The following SLC30A3 variants were observed in gnomAD, a reference collection of about 807,000 sequenced individuals.
The protein encoded by SLC30A3 is solute carrier family 30 member 3.
SLC30A3 carries 20 observed loss-of-function variants against 35.6 expected under a neutral mutation model. That is an observed-to-expected ratio of 0.56 (90% CI 0.39 to 0.82). SLC30A3 has a LOEUF of 0.82. Ranked by LOEUF, SLC30A3 falls within the 40% of genes least tolerant of loss-of-function variation. The pLI, the probability that SLC30A3 is intolerant of heterozygous loss-of-function variation, is 0.00. For missense variants in SLC30A3, 401 were observed against 530.6 expected (o/e 0.76, Z 2.40); for synonymous variants, 217 against 224.7 (o/e 0.97, Z 0.31).
upstream of SLC30A3, among the ~76,000 whole-genome samples, chr2:27,267,302 A>G (rs1349086536): frequency 6.6e-6 from 1 of 152,084 alleles, no homozygotes; most frequent in African/African-American, 2.4e-5. Context: ...CTTATAGTCT[A>G]TTCTCAACCA....
At position 27,258,014 on chromosome 2, in the gene SLC30A3, T is replaced by G. The variant is rs1405073529; in HGVS notation, c.469A>C (p.Thr157Pro). Reference protein sequence around the residue: ...LASVVSLWMVTGILLYLAFVR... With the variant: ...LASVVSLWMVPGILLYLAFVR... The stretch of plus-strand genomic sequence containing the variant: ...AAGGCCAGGTACAGGAGGATGCCAG[T>G]GACCATCCAGAGGGAGACCACAGAG... Residue 157 changes from threonine to proline, a missense_variant, in exon 4 of 8, where the codon ACT becomes CCT. Around this residue, in one of 3 missense-constraint regions of SLC30A3, gnomAD observed 296 missense variants for 392.6 expected, o/e 0.75. Transcript: ENST00000233535. The surrounding 1 kb of genome is among the most constrained non-coding windows in gnomAD (Gnocchi z 4.0). The G allele has an allele frequency of 6.2e-7, 1 of 1,614,144 alleles. No individual in the cohort carries two copies.
chr2:27,267,691 T>C (rs1677547930), upstream of SLC30A3, among the ~76,000 whole-genome samples: 2 of 151,924 alleles, frequency 1.3e-5, no homozygotes, highest in Non-Finnish European at 2.9e-5. Context: ...TCCCAGCACT[T>C]TGGGAGGCCG....
Position 27,271,853 on chromosome 2 carries a change from C to T in SLC30A3, c.-159+3324G>A, listed in dbSNP as rs143507889. On this transcript the variant is annotated intron_variant, in intron 1 of 5. Coordinates refer to the SLC30A3 transcript ENST00000424577. The surrounding 1 kb of genome is among the most constrained non-coding windows in gnomAD (Gnocchi z 4.3). ...AGAGCCTCGCAAGACTTACAGATAACGGCTATTTCAAGAGCCATGAACTGT... is the reference window on the plus strand; with the variant it reads ...AGAGCCTCGCAAGACTTACAGATAATGGCTATTTCAAGAGCCATGAACTGT... Among the ~76,000 whole-genome samples the T allele has an allele frequency of 4.2e-3, 639 of 152,336 alleles. 6 individuals carry two copies. Among genetic ancestry groups the T allele is most frequent in the African/African-American group, 0.014 (579 of 41,578 alleles).
chr2:27,264,276 G>A, upstream of SLC30A3: 1 of 356,756 alleles, frequency 2.8e-6, no homozygotes, highest in East Asian at 7.5e-5. This position sits in a 1 kb window ranked among gnomAD's most constrained non-coding sequence, Gnocchi z 6.1. Flanking sequence ...CTGAACTTAG[G>A]CTTCTGGGGA....
chr2:27,262,691 A>T lies in SLC30A3; in HGVS notation c.95+121T>A, dbSNP rs539356360. 1 of 961,480 alleles carries T rather than the reference A, an allele frequency of 1.0e-6. No homozygotes were observed. The highest frequency in any genetic ancestry group is 2.0e-5 in the South Asian group (1 of 50,392). The allele number at this position is 961,480 out of a possible 1,614,324, so 59.6% of individuals were successfully genotyped here. ...GAGGGGATGAAGCGGGGTGCAGCGG[A>T]GCGAGGGACCCGCGGTGCGCTGGGG... is the stretch of plus-strand genomic sequence containing the variant. On this transcript the variant is annotated intron_variant, in intron 1 of 7. Transcript: ENST00000233535. The surrounding 1 kb of genome is among the most constrained non-coding windows in gnomAD (Gnocchi z 7.5).
intron 1 of SLC30A3, among the ~76,000 whole-genome samples, chr2:27,259,902 G>A (rs1419604360): frequency 6.6e-6 from 1 of 152,156 alleles, no homozygotes; most frequent in African/African-American, 2.4e-5. Flanking sequence ...GTGCTATCAG[G>A]GTTCTGAGGA....
In SLC30A3 at chr2:27,254,736, G is replaced by T; in HGVS notation, c.*576C>A. On this transcript the variant is annotated 3_prime_UTR_variant, in exon 8 of 8. Transcript: ENST00000233535. ...CATAGCACAGCCACATAGGCACAGAGACACACAGGCCACAGCACCAAGAAC... is the reference window on the plus strand; with the variant it reads ...CATAGCACAGCCACATAGGCACAGATACACACAGGCCACAGCACCAAGAAC... 3 of 207,460 alleles carry T rather than the reference G, an allele frequency of 1.4e-5. No individual in the cohort carries two copies. Among genetic ancestry groups the T allele is most frequent in the South Asian group, 7.9e-5 (1 of 12,716 alleles). The allele number at this position is 207,460 out of a possible 1,614,324, so 12.9% of individuals were successfully genotyped here. A position where few individuals can be genotyped will look rare whatever the true frequency, so the allele number is the denominator to read the frequency against.
At position 27,258,137 on chromosome 2, in the gene SLC30A3, C is replaced by G. The variant is rs192347243; in HGVS notation, c.424+24G>C. ...GTGCCCTCTGGCAAGATTGGAGAGTCACTGGGCCATGCAGGGGCCTTACCT... is the reference window on the plus strand; with the variant it reads ...GTGCCCTCTGGCAAGATTGGAGAGTGACTGGGCCATGCAGGGGCCTTACCT... On this transcript the variant is annotated intron_variant, in intron 3 of 7. Coordinates refer to ENST00000233535, the MANE Select transcript of SLC30A3 (RefSeq NM_003459.5). The surrounding 1 kb of genome is among the most constrained non-coding windows in gnomAD (Gnocchi z 4.0). The G allele has an allele frequency of 2.1e-4, 329 of 1,602,360 alleles. 1 individual carries two copies. In the African/African-American group the frequency reaches 3.9e-3, roughly 19 times the overall value.
rs866735078 is a variant in SLC30A3, at chr2:27,262,718, G to A, written c.95+94C>T. On this transcript the variant is annotated intron_variant, in intron 1 of 7. Coordinates refer to ENST00000233535, the MANE Select transcript of SLC30A3 (RefSeq NM_003459.5). The surrounding 1 kb of genome is among the most constrained non-coding windows in gnomAD (Gnocchi z 7.5). ...CGAGGGACCCGCGGTGCGCTGGGGC[G>A]GCCGCCGGGGCCCGCGCCGAGAGAG... 4 of 1,259,040 alleles carry A rather than the reference G, an allele frequency of 3.2e-6. No individual in the cohort carries two copies. The Middle Eastern group carries it at 8.1e-4, about 256-fold the overall frequency. 78.0% of individuals were successfully genotyped at this position (1,259,040 alleles called of 1,614,324 possible).
chr2:27,269,054 G>A (rs541081219), intron 1 of SLC30A3, among the ~76,000 whole-genome samples: 44 of 152,134 alleles, frequency 2.9e-4, no homozygotes, highest in African/African-American at 1.1e-3. Context: ...AAATTATCAA[G>A]TTTTCCTAAA....
rs1178602657 is a variant in SLC30A3 at position 27,262,914 on chromosome 2, G to A, written c.-8C>T. 4 of 1,554,298 alleles carry A rather than the reference G, an allele frequency of 2.6e-6. No individual in the cohort carries two copies. The African/African-American group carries it at 4.3e-5, about 17-fold the overall frequency. ...GGCTGGAGAGGGCTCCATGTTCCCGGTGCCCCGACCGTCTAGGCCCCACCG... is the reference window on the plus strand; with the variant it reads ...GGCTGGAGAGGGCTCCATGTTCCCGATGCCCCGACCGTCTAGGCCCCACCG... On this transcript the variant is annotated 5_prime_UTR_variant, in exon 1 of 8. Coordinates refer to ENST00000233535, the MANE Select transcript of SLC30A3 (RefSeq NM_003459.5). The surrounding 1 kb of genome is among the most constrained non-coding windows in gnomAD (Gnocchi z 7.5).
At chr2:27,272,031 T>C (rs1677745419) in intron 1 of SLC30A3, among the ~76,000 whole-genome samples, 2 of 152,236 alleles carry the variant, frequency 1.3e-5, no homozygotes, top group Non-Finnish European at 2.9e-5. Flanking sequence ...AATCGCCTCT[T>C]GGGTTGTTGT....
chr2:27,256,959 T>C (rs1676893185), intron 5 of SLC30A3, 66 bp from the exon 6 acceptor site: 1 of 1,273,846 alleles, frequency 7.9e-7, no homozygotes, highest in South Asian at 1.3e-5. Flanking sequence ...TAGGGGTATC[T>C]TGAACAAACA....
chr2:27,255,517 A>G lies in SLC30A3; in HGVS notation c.1019-57T>C. 3 of 1,586,816 alleles carry G rather than the reference A, an allele frequency of 1.9e-6. No homozygotes were observed. Among genetic ancestry groups the G allele is most frequent in the South Asian group, 1.1e-5 (1 of 87,464 alleles). ...CCCGGGGGAGAAAGAACAGGCAGGG[A>G]CTGAGATAAGGACAGGGAAAGGGGC... On this transcript the variant is annotated intron_variant, in intron 7 of 7. Coordinates refer to ENST00000233535, the MANE Select transcript of SLC30A3 (RefSeq NM_003459.5). The surrounding 1 kb of genome is among the most constrained non-coding windows in gnomAD (Gnocchi z 5.2).
rs1243093896 is a variant in SLC30A3 at position 27,262,325 on chromosome 2, C to G, written c.95+487G>C. Reference sequence around the variant, plus strand: ...AGGGGCCCGCAAGACCCGCGCGGAGCCCGGCCCATCCTCGGGCCCCGGCGC... The same window carrying G: ...AGGGGCCCGCAAGACCCGCGCGGAGGCCGGCCCATCCTCGGGCCCCGGCGC... On this transcript the variant is annotated intron_variant, in intron 1 of 7. Transcript: ENST00000233535. This position sits in a 1 kb window ranked among gnomAD's most constrained non-coding sequence, Gnocchi z 7.5. Among the ~76,000 whole-genome samples, 2 of 151,802 alleles carry G rather than the reference C, an allele frequency of 1.3e-5. No homozygotes were observed. Among genetic ancestry groups the G allele is most frequent in the Non-Finnish European group, 2.9e-5 (2 of 67,900 alleles).
chr2:27,267,405 G>A (rs935777738), upstream of SLC30A3, among the ~76,000 whole-genome samples: 10 of 152,076 alleles, frequency 6.6e-5, no homozygotes, highest in African/African-American at 2.2e-4. Context: ...GGGGTCCTAC[G>A]GAATTTAGCT....
At position 27,258,071 on chromosome 2, in the gene SLC30A3, G is replaced by T. The variant is rs780483066; in HGVS notation, c.425-13C>A. 1 of 1,613,520 alleles carries T rather than the reference G, an allele frequency of 6.2e-7. No individual in the cohort carries two copies. The highest frequency in any genetic ancestry group is 8.5e-7 in the Non-Finnish European group (1 of 1,179,442). On this transcript the variant is annotated splice_polypyrimidine_tract_variant and intron_variant, in intron 3 of 7. Transcript: ENST00000233535. The surrounding 1 kb of genome is among the most constrained non-coding windows in gnomAD (Gnocchi z 4.0). The stretch of plus-strand genomic sequence containing the variant: ...GCCCCCAGAGTCTCTGCGGGTGGGG[G>T]GGGAGACAAGCTGTCAGAGACCTGC...
chr2:27,269,398 G>A (rs556328301), intron 1 of SLC30A3, among the ~76,000 whole-genome samples: 3 of 151,864 alleles, frequency 2.0e-5, no homozygotes, highest in African/African-American at 2.4e-5. Context: ...TAGTAGAGAC[G>A]GGGTTTCACT....
At position 27,258,010 on chromosome 2, in the gene SLC30A3, C is replaced by A. The variant is rs1336385311; in HGVS notation, c.473G>T (p.Gly158Val). 2 of 1,614,144 alleles carry A rather than the reference C, an allele frequency of 1.2e-6. No homozygotes were observed. The highest frequency in any genetic ancestry group is 2.2e-5 in the South Asian group (2 of 91,082). ...GACGAAGGCCAGGTACAGGAGGATG[C>A]CAGTGACCATCCAGAGGGAGACCAC... The part of the protein sequence containing the change: ...ASVVSLWMVT[G>V]ILLYLAFVRL... The change falls in exon 4 of 8, where the codon GGC becomes GTC. Residue 158 changes from glycine to valine, a missense_variant. Physicochemically the swap from Gly to Val is moderately radical, Grantham distance 109. Transcript: ENST00000233535. The surrounding 1 kb of genome is among the most constrained non-coding windows in gnomAD (Gnocchi z 4.0).
Sources: allele counts gnomAD v4.1 joint callset (sites outside exome capture counted in the v4.1 genomes callset), GRCh38; gene constraint gnomAD v4.1.1; regional missense constraint gnomAD v4.1.1; non-coding constraint Gnocchi (gnomAD v3.1); transcripts MANE v1.5; gene names NCBI Gene and HGNC (gene_info 2026-07-23, HGNC 2026-07-21).